The following SUFU variants were observed in gnomAD, a reference collection of about 807,000 sequenced individuals.
SUFU encodes the protein SUFU negative regulator of hedgehog signaling, also known as suppressor of fused homolog.
SUFU carries 7 observed loss-of-function variants against 58.9 expected under a neutral mutation model. That is an observed-to-expected ratio of 0.12 (90% CI 0.07 to 0.22). SUFU has a LOEUF of 0.22. Ranked by LOEUF, SUFU falls within the 10% of genes least tolerant of loss-of-function variation. The pLI, the probability that SUFU is intolerant of heterozygous loss-of-function variation, is 1.00. For synonymous variants in SUFU, 232 were observed against 254.8 expected (o/e 0.91, Z 0.85); for missense variants, 451 against 641.3 (o/e 0.70, Z 3.20).
intron 2 of SUFU, among the ~76,000 whole-genome samples, chr10:102,537,308 G>T (rs1474293573): frequency 1.3e-5 from 2 of 151,570 alleles, no homozygotes; most frequent in Non-Finnish European, 2.9e-5. Context: ...TTTTTAAATT[G>T]CTTGTAGAGA....
chr10:102,594,267 A>G (rs2063437640), intron 6 of SUFU, among the ~76,000 whole-genome samples: 1 of 152,248 alleles, frequency 6.6e-6, no homozygotes, highest in South Asian at 2.1e-4. Flanking sequence ...CCTCAGACAT[A>G]TGTATTTTGG....
intron 9 of SUFU, among the ~76,000 whole-genome samples, chr10:102,616,284 G>C (rs1189243710): frequency 6.6e-6 from 1 of 152,206 alleles, no homozygotes; most frequent in African/African-American, 2.4e-5. Flanking sequence ...CAGCCCAGGG[G>C]CTCCACCCAC....
chr10:102,509,833 G>A (rs1455462151), intron 2 of SUFU, among the ~76,000 whole-genome samples: 1 of 151,704 alleles, frequency 6.6e-6, no homozygotes, highest in African/African-American at 2.4e-5. Context: ...GCTTCCGTTT[G>A]TTGCCCTATA....
chr10:102,534,183 CTTTGG>C (rs1002967658), intron 2 of SUFU, among the ~76,000 whole-genome samples: 2 of 152,186 alleles, frequency 1.3e-5, no homozygotes, highest in African/African-American at 4.8e-5. Context: ...AATCCCAGCA[CTTTGG>C]GAGGCTGAGG....
At chr10:102,520,440 G>C (rs545144184) in intron 2 of SUFU, among the ~76,000 whole-genome samples, 3 of 151,452 alleles carry the variant, frequency 2.0e-5, no homozygotes, top group Admixed American at 2.0e-4. Context: ...GGCTGGTCTC[G>C]AACTCCTGAC....
At chr10:102,573,893 T>A (rs906384870) in intron 3 of SUFU, among the ~76,000 whole-genome samples, 5 of 152,146 alleles carry the variant, frequency 3.3e-5, no homozygotes, top group African/African-American at 1.2e-4. Flanking sequence ...AAAAAAGTCC[T>A]GGAAATGGAA....
intron 2 of SUFU, among the ~76,000 whole-genome samples, chr10:102,514,325 G>A (rs1292169902): frequency 6.6e-6 from 1 of 152,218 alleles, no homozygotes; most frequent in Admixed American, 6.5e-5. Context: ...ATGCTTCAGG[G>A]TCAGGAGGGG....
chr10:102,527,159 C>T (rs1017953470), intron 2 of SUFU, among the ~76,000 whole-genome samples: 8 of 152,000 alleles, frequency 5.3e-5, no homozygotes, highest in East Asian at 1.9e-4. Flanking sequence ...CCCACCACCA[C>T]GCCTGGCTAA....
rs114544752 is a variant in SUFU at position 102,604,732 on chromosome 10, C to T, written c.1022+5188C>T. Among the ~76,000 whole-genome samples the T allele has an allele frequency of 8.6e-3, 1,312 of 152,182 alleles. 14 individuals are homozygous for T. The highest frequency in any genetic ancestry group is 0.029 in the African/African-American group (1,183 of 41,504). On this transcript the variant is annotated intron_variant, in intron 8 of 11. Coordinates refer to ENST00000369902, the MANE Select transcript of SUFU (RefSeq NM_016169.4). ...GGAGAGTAGGGGTCCTAATCTCCCA[C>T]CCAAGTCAGAGGGTAGGGCTGGGGA...
chr10:102,551,633 G>A (rs538628614), intron 3 of SUFU, among the ~76,000 whole-genome samples: 10 of 143,352 alleles, frequency 7.0e-5, no homozygotes, highest in South Asian at 2.2e-4. Flanking sequence ...GCAAGACTCC[G>A]TATCAAAAAA....
chr10:102,555,899 T>C (rs568459461), intron 3 of SUFU, among the ~76,000 whole-genome samples: 1 of 152,362 alleles, frequency 6.6e-6, no homozygotes, highest in South Asian at 2.1e-4. Flanking sequence ...TACACAGATA[T>C]ACCTGCCTAC....
intron 2 of SUFU, among the ~76,000 whole-genome samples, chr10:102,542,626 CTTT>C (rs55957762): frequency 2.6e-4 from 29 of 112,046 alleles, no homozygotes; most frequent in Non-Finnish European, 3.5e-4. Context: ...TCCTTTTGCT[CTTT>C]TTTTTTTTTT....
intron 3 of SUFU, among the ~76,000 whole-genome samples, chr10:102,558,872 G>A (rs1373638989): frequency 6.6e-6 from 1 of 152,200 alleles, no homozygotes; most frequent in African/African-American, 2.4e-5. Context: ...TCTTGTATGT[G>A]TTGGGATGGT....
intron 3 of SUFU, among the ~76,000 whole-genome samples, chr10:102,557,354 G>C (rs906057070): frequency 2.6e-5 from 4 of 152,158 alleles, no homozygotes; most frequent in African/African-American, 9.7e-5. Context: ...GAGGCAGTGA[G>C]GCGGGCAGAT....
intron 2 of SUFU, among the ~76,000 whole-genome samples, chr10:102,523,043 A>G (rs569049592): frequency 1.3e-5 from 2 of 152,250 alleles, no homozygotes; most frequent in Admixed American, 6.5e-5. Flanking sequence ...AGGCTCAGAA[A>G]TGATGTGACC....
intron 8 of SUFU, among the ~76,000 whole-genome samples, chr10:102,611,741 T>C (rs1206098750): frequency 1.3e-5 from 2 of 152,254 alleles, no homozygotes; most frequent in African/African-American, 4.8e-5. Context: ...TAATGACCTA[T>C]TGTTATTTAT....
chr10:102,619,290 A>T lies in SUFU; in HGVS notation c.1296+1862A>T. The T allele has an allele frequency of 6.9e-7, 1 of 1,443,780 alleles. No homozygotes were observed. The highest frequency in any genetic ancestry group is 9.1e-7 in the Non-Finnish European group (1 of 1,102,104). The allele number at this position is 1,443,780 out of a possible 1,614,324, so 89.4% of individuals were successfully genotyped here. On this transcript the variant is annotated intron_variant, in intron 10 of 11. Coordinates refer to ENST00000369902, the MANE Select transcript of SUFU (RefSeq NM_016169.4). The surrounding 1 kb of genome is among the most constrained non-coding windows in gnomAD (Gnocchi z 4.2). ...TGCCGGGGTTCCCACTCCCAGTGCC[A>T]CAACCCCCTCACCTCCCTGGCAGCC...
In SUFU at chr10:102,631,362, G is replaced by GC. The variant is rs1282405592; in HGVS notation, c.*1211dup. The GC allele has an allele frequency of 2.1e-5, 5 of 233,548 alleles. No homozygotes were observed. Among genetic ancestry groups the GC allele is most frequent in the African/African-American group, 2.2e-5 (1 of 45,262 alleles). The allele number at this position is 233,548 out of a possible 1,614,324, so 14.5% of individuals were successfully genotyped here. On this transcript the variant is annotated 3_prime_UTR_variant, in exon 12 of 12. Transcript: ENST00000369902. ...GCATCCTGGCCTCTCGTGGTCCTCA[G>GC]CCCCTCACCCCCAGTACTGCAGATC... is the stretch of plus-strand genomic sequence containing the variant.
In SUFU at chr10:102,629,783, G is replaced by A. The variant is rs1194627953; in HGVS notation, c.1366-283G>A. Among the ~76,000 whole-genome samples the A allele has an allele frequency of 1.3e-5, 2 of 152,144 alleles. No individual in the cohort carries two copies. On this transcript the variant is annotated intron_variant, in intron 11 of 11. Coordinates refer to ENST00000369902, the MANE Select transcript of SUFU (RefSeq NM_016169.4). This position sits in a 1 kb window ranked among gnomAD's most constrained non-coding sequence, Gnocchi z 4.7. ...TGCCTGTGGCCAGAGGCAGAACCAA[G>A]GAAGTGAGCAAGAGGGAGGTCAGCT...
Sources: allele counts gnomAD v4.1 joint callset (sites outside exome capture counted in the v4.1 genomes callset), GRCh38; gene constraint gnomAD v4.1.1; non-coding constraint Gnocchi (gnomAD v3.1); transcripts MANE v1.5; gene names NCBI Gene and HGNC (gene_info 2026-07-23, HGNC 2026-07-21).